The following ZMYND8 variants were observed in gnomAD, a reference collection of about 807,000 sequenced individuals.
ZMYND8 encodes zinc finger MYND-type containing 8, also known as MYND-type zinc finger-containing chromatin reader ZMYND8.
In ZMYND8, 37 loss-of-function variants were observed where a neutral mutation model predicts 140.8. The ratio of observed to expected loss-of-function variants is 0.26; its 90% CI spans 0.20 to 0.35. The LOEUF (loss-of-function observed/expected upper bound fraction) is 0.35. Among genes scored for constraint, ZMYND8 ranks in the 10% least tolerant of loss-of-function variants. The probability of loss-of-function intolerance (pLI) is 1.00; values close to 1 mark genes in which losing one functional copy is unlikely to be tolerated. For missense variants in ZMYND8, 1,068 were observed against 1,570.0 expected, an observed-to-expected ratio of 0.68 and a Z score of 5.40; for synonymous variants, 592 against 597.1, an observed-to-expected ratio of 0.99 and a Z score of 0.12.
chr20:47,313,027 A>C (rs2079061077), intron 2 of ZMYND8, among the ~76,000 whole-genome samples: 1 of 152,132 alleles, frequency 6.6e-6, no homozygotes, highest in African/African-American at 2.4e-5. Flanking sequence ...TACCCAAAGC[A>C]CTTGAAACAA....
intron 2 of ZMYND8, among the ~76,000 whole-genome samples, chr20:47,325,021 C>A (rs367970696): frequency 6.6e-6 from 1 of 152,198 alleles, no homozygotes; most frequent in Non-Finnish European, 1.5e-5. Context: ...TCTCCTGCCT[C>A]AGCCTCTCGA....
At chr20:47,213,719 A>G (rs1025970054) in intron 21 of ZMYND8, among the ~76,000 whole-genome samples, 57 of 152,372 alleles carry the variant, frequency 3.7e-4, no homozygotes, top group African/African-American at 1.3e-3. Flanking sequence ...CAAGTGTTTC[A>G]CTGGAGCAAG....
At chr20:47,349,488 T>C (rs998211732) in intron 1 of ZMYND8, among the ~76,000 whole-genome samples, 4 of 152,246 alleles carry the variant, frequency 2.6e-5, no homozygotes, top group Admixed American at 2.6e-4. Context: ...TCAGCACTAA[T>C]GCTTTCTATT....
Position 47,298,359 on chromosome 20 carries a change from G to A in ZMYND8, c.453+370C>T, listed in dbSNP as rs2077781304. The A allele has an allele frequency of 1.0e-6, 1 of 985,358 alleles. No homozygotes were observed. The allele number at this position is 985,358 out of a possible 1,614,324, so 61.0% of individuals were successfully genotyped here. On this transcript the variant is annotated intron_variant, in intron 4 of 22. Coordinates refer to ENST00000471951, the MANE Select transcript of ZMYND8 (RefSeq NM_001281775.3). The surrounding 1 kb of genome is among the most constrained non-coding windows in gnomAD (Gnocchi z 5.0). Reference sequence around the variant, plus strand: ...TGCTGATGATTCAATGATGCGGCAGGCAACAACATCCAAGACGGAGAAAAC... The same window carrying A: ...TGCTGATGATTCAATGATGCGGCAGACAACAACATCCAAGACGGAGAAAAC...
intron 16 of ZMYND8, among the ~76,000 whole-genome samples, chr20:47,231,436 G>C (rs546446134): frequency 1.3e-5 from 2 of 152,302 alleles, no homozygotes; most frequent in East Asian, 1.9e-4. Flanking sequence ...CGCCCCGGTA[G>C]GGTGTGCACG....
In ZMYND8 at chr20:47,209,706, C is replaced by CAT. The variant is rs1249503784; in HGVS notation, c.*1053_*1054dup. The CAT allele has an allele frequency of 2.6e-5, 4 of 152,642 alleles. No homozygotes were observed. Among genetic ancestry groups the CAT allele is most frequent in the Non-Finnish European group, 5.9e-5 (4 of 68,040 alleles). The allele number at this position is 152,642 out of a possible 1,614,324, so 9.5% of individuals were successfully genotyped here. ...CATCAATGCTTTTTGTTTTACACAA[C>CAT]ATACAAAATGGCTCTACAGCATACG... is the stretch of plus-strand genomic sequence containing the variant. On this transcript the variant is annotated 3_prime_UTR_variant, in exon 23 of 23. Transcript: ENST00000471951.
chr20:47,316,330 C>CAAA (rs796788882), intron 2 of ZMYND8, among the ~76,000 whole-genome samples: 10 of 93,136 alleles, frequency 1.1e-4, no homozygotes, highest in African/African-American at 3.7e-4. Flanking sequence ...GACTTTGTCT[C>CAAA]AAAAAAAAAA....
intron 11 of ZMYND8, among the ~76,000 whole-genome samples, chr20:47,263,262 G>C (rs2075282235): frequency 6.6e-6 from 1 of 150,708 alleles, no homozygotes; most frequent in South Asian, 2.1e-4. Flanking sequence ...TTTAAAAACA[G>C]CTGGGACTAA....
intron 11 of ZMYND8, among the ~76,000 whole-genome samples, chr20:47,266,107 T>A (rs979028854): frequency 3.3e-5 from 5 of 152,064 alleles, no homozygotes; most frequent in African/African-American, 4.8e-5. Context: ...CTCCTCTGCA[T>A]CTCCCTGAGA....
chr20:47,267,256 G>C (rs1471019980), intron 11 of ZMYND8, among the ~76,000 whole-genome samples: 1 of 151,524 alleles, frequency 6.6e-6, no homozygotes, highest in Non-Finnish European at 1.5e-5. Context: ...AGAGGTAGGG[G>C]TGGAAGTTTG....
intron 3 of ZMYND8, 80 bp from the exon 4 acceptor site, chr20:47,299,027 A>T: frequency 7.4e-7 from 1 of 1,347,618 alleles, no homozygotes; most frequent in East Asian, 2.3e-5. Flanking sequence ...GTACATCAAT[A>T]ACAACAAAAG....
At chr20:47,256,187 AG>A (rs2147458417) in intron 12 of ZMYND8, among the ~76,000 whole-genome samples, 1 of 151,638 alleles carries the variant, frequency 6.6e-6, no homozygotes, top group South Asian at 2.1e-4. Context: ...CTTAGACAAA[AG>A]ACCCTAGCTG....
rs554713610 is a variant in ZMYND8, at chr20:47,310,179, G to A, written c.111C>T (p.Ala37=). The A allele has an allele frequency of 6.8e-6, 11 of 1,610,392 alleles. No individual in the cohort carries two copies. Among genetic ancestry groups the A allele is most frequent in the Non-Finnish European group, 9.3e-6 (11 of 1,179,248 alleles). ...GAGGGCTGGGGAACTTTCTTTTCTG[G>A]GCTGTTCTCTCTGCAGAGCCAGGAT... ...SKDPGSAERT[A]QKRKFPSPPH... Residue 37 remains alanine (A), a synonymous_variant, in exon 3 of 23, where the codon GCC becomes GCT. Transcript: ENST00000471951.
chr20:47,353,022 G>A (rs2082922426), intron 1 of ZMYND8: 1 of 152,238 alleles, frequency 6.6e-6, no homozygotes, highest in African/African-American at 2.4e-5. Context: ...CAGAGGCAAA[G>A]CCAGATTGAG....
intron 13 of ZMYND8, among the ~76,000 whole-genome samples, chr20:47,248,214 A>T (rs756034170): frequency 6.6e-6 from 1 of 152,214 alleles, no homozygotes; most frequent in Non-Finnish European, 1.5e-5. Context: ...GACAATCTAT[A>T]TGCAGTGCTT....
intron 10 of ZMYND8, among the ~76,000 whole-genome samples, chr20:47,280,767 C>T (rs575680570): frequency 6.0e-4 from 91 of 152,262 alleles, no homozygotes; most frequent in Middle Eastern, 3.4e-3. Flanking sequence ...TCCTCCTGCT[C>T]TTCAAATAAA....
chr20:47,225,256 C>G (rs541843489), intron 18 of ZMYND8, among the ~76,000 whole-genome samples: 2 of 152,122 alleles, frequency 1.3e-5, no homozygotes, highest in East Asian at 3.9e-4. Flanking sequence ...GAGTGACCTG[C>G]TGGCTGTAAT....
intron 6 of ZMYND8, among the ~76,000 whole-genome samples, chr20:47,291,290 T>C (rs41500447): frequency 0.079 from 12,013 of 152,354 alleles, 648 homozygotes; most frequent in South Asian, 0.22. Context: ...CAATCTACAG[T>C]GTTCCAAGTG....
At chr20:47,276,283 C>T in intron 11 of ZMYND8, 31 bp downstream of exon 11, 1 of 1,499,168 alleles carries the variant, frequency 6.7e-7, no homozygotes, top group Non-Finnish European at 8.9e-7. Context: ...GTCCAAGGGG[C>T]CTCCTCCCCG....
Sources: allele counts gnomAD v4.1 joint callset (sites outside exome capture counted in the v4.1 genomes callset), GRCh38; gene constraint gnomAD v4.1.1; non-coding constraint Gnocchi (gnomAD v3.1); transcripts MANE v1.5; gene names NCBI Gene and HGNC (gene_info 2026-07-23, HGNC 2026-07-21).